Variants in GTF3C4 observed in about 807,000 individuals in gnomAD.
GTF3C4 encodes general transcription factor IIIC subunit 4.
A neutral mutation model predicts 67.5 loss-of-function variants in GTF3C4; 28 were observed. The ratio of observed to expected loss-of-function variants is 0.41; its 90% CI spans 0.31 to 0.57. The LOEUF is 0.57. Among genes scored for constraint, GTF3C4 ranks in the 20% least tolerant of loss-of-function variants. GTF3C4 has a pLI of 0.21. For missense variants in GTF3C4, 831 were observed against 1,033.2 expected, an observed-to-expected ratio of 0.80 and a Z score of 2.68; for synonymous variants, 409 against 393.0, an observed-to-expected ratio of 1.04 and a Z score of -0.48.
chr9:132,675,593 T>G (rs1835852225), intron 1 of GTF3C4, among the ~76,000 whole-genome samples: 1 of 152,204 alleles, frequency 6.6e-6, no homozygotes, highest in South Asian at 2.1e-4. Flanking sequence ...CAAAAAAGTT[T>G]GGCTTCCTGT....
chr9:132,685,600 G>GCCTCGGGCTCCAGTGATCCTCCTT (rs1477866122), intron 3 of GTF3C4, among the ~76,000 whole-genome samples: 5 of 150,994 alleles, frequency 3.3e-5, no homozygotes, highest in Non-Finnish European at 7.4e-5. Context: ...TGATCCTCCT[G>GCCTCGGGCTCCAGTGATCCTCCTT]CCTCAGCCTC....
At chr9:132,683,824 C>A in intron 3 of GTF3C4, 131 bp downstream of exon 3, 1 of 884,180 alleles carries the variant, frequency 1.1e-6, no homozygotes, top group East Asian at 2.7e-5. Context: ...AGAAAAGCTG[C>A]TATTATAAAG....
rs539359136 is a variant in GTF3C4 at position 132,671,559 on chromosome 9, C to T, written c.357+604C>T. On this transcript the variant is annotated intron_variant, in intron 1 of 4. Coordinates refer to ENST00000372146, the MANE Select transcript of GTF3C4 (RefSeq NM_012204.4). Reference sequence around the variant, plus strand: ...TAGTTTTTCTTTACTAGCTAAACATCTTTGGGATGTTGAATGAAAATAAAG... The same window carrying T: ...TAGTTTTTCTTTACTAGCTAAACATTTTTGGGATGTTGAATGAAAATAAAG... Among the ~76,000 whole-genome samples the T allele has an allele frequency of 1.1e-4, 16 of 152,264 alleles. No homozygotes were observed. In the South Asian group the frequency reaches 1.7e-3, roughly 16 times the overall value.
At chr9:132,676,681 C>T (rs1041045831) in intron 1 of GTF3C4, among the ~76,000 whole-genome samples, 6 of 152,118 alleles carry the variant, frequency 3.9e-5, no homozygotes, top group African/African-American at 1.4e-4. Context: ...CCCAGTTGTC[C>T]AGACTTCATC....
At chr9:132,680,351 A>C (rs950201780) in intron 2 of GTF3C4, among the ~76,000 whole-genome samples, 2 of 152,230 alleles carry the variant, frequency 1.3e-5, no homozygotes, top group Non-Finnish European at 2.9e-5. Context: ...TATAGAATTT[A>C]AGTTGCTTAA....
At chr9:132,670,066 G>A (rs768397453), upstream of GTF3C4, 8 of 1,562,526 alleles carry the variant, frequency 5.1e-6, no homozygotes, top group South Asian at 2.3e-5. Context: ...CAGCTGTACG[G>A]ACTCGTCCCG....
chr9:132,688,972 G>T lies in GTF3C4; in HGVS notation c.*27G>T. On this transcript the variant is annotated 3_prime_UTR_variant, in exon 5 of 5. Transcript: ENST00000372146. ...TAATCAGTGACGGGAAGATGGAAGG[G>T]CATGATGAACTCTGCCATAGAAAAC... is the stretch of plus-strand genomic sequence containing the variant. The T allele has an allele frequency of 1.3e-6, 2 of 1,547,656 alleles. No individual in the cohort carries two copies. The highest frequency in any genetic ancestry group is 1.8e-6 in the Non-Finnish European group (2 of 1,120,774).
chr9:132,686,683 G>T lies in GTF3C4; in HGVS notation c.2316-556G>T, dbSNP rs143998276. On this transcript the variant is annotated intron_variant, in intron 3 of 4. Coordinates refer to ENST00000372146, the MANE Select transcript of GTF3C4 (RefSeq NM_012204.4). ...TTTTTGCACCATTAATTTTGCCTTC[G>T]ATATTCTTCAGGGTTTTCCCCAGTG... Among the ~76,000 whole-genome samples, 604 of 152,190 alleles carry T rather than the reference G, an allele frequency of 4.0e-3. 5 individuals are homozygous for T. The highest frequency in any genetic ancestry group is 0.013 in the African/African-American group (554 of 41,520).
Position 132,678,709 on chromosome 9 carries a change from A to G in GTF3C4, c.1090A>G (p.Lys364Glu). The change falls in exon 2 of 5, where the codon AAA (lysine) becomes GAA (glutamate). Residue 364 changes from lysine to glutamate, a missense_variant. Physicochemically the swap from Lys to Glu is moderately conservative, Grantham distance 56. Around this residue, in one of 4 missense-constraint regions of GTF3C4, gnomAD observed 390 missense variants for 540.3 expected, o/e 0.72. Transcript: ENST00000372146. This position sits in a 1 kb window ranked among gnomAD's most constrained non-coding sequence, Gnocchi z 6.5. Reference protein sequence around the residue: ...FTLRQPVILWKEMDQLPVHSI... With the variant: ...FTLRQPVILWEEMDQLPVHSI... Reference sequence around the variant, plus strand: ...TTTAAGGCAGCCTGTTATCTTGTGGAAAGAAATGGACCAGTTACCTGTGCA... The same window carrying G: ...TTTAAGGCAGCCTGTTATCTTGTGGGAAGAAATGGACCAGTTACCTGTGCA... The G allele has an allele frequency of 6.2e-7, 1 of 1,614,160 alleles. No homozygotes were observed. The highest frequency in any genetic ancestry group is 8.5e-7 in the Non-Finnish European group (1 of 1,180,008).
chr9:132,687,346 T>TTGGGAGGG lies in GTF3C4; in HGVS notation c.2404+24_2404+31dup, dbSNP rs1256413333. The TTGGGAGGG allele has an allele frequency of 4.1e-6, 1 of 246,088 alleles. No homozygotes were observed. Among genetic ancestry groups the TTGGGAGGG allele is most frequent in the African/African-American group, 4.9e-5 (1 of 20,602 alleles). The allele number at this position is 246,088 out of a possible 1,614,324, so 15.2% of individuals were successfully genotyped here. A position where few individuals can be genotyped will look rare whatever the true frequency, so the allele number is the denominator to read the frequency against. The stretch of plus-strand genomic sequence containing the variant: ...CCAGAAGGTGAGTGCTTTCCCTTAC[T>TTGGGAGGG]TGGGAGGGTGGGTGGGTGGAACATG... On this transcript the variant is annotated intron_variant, in intron 4 of 4. Transcript: ENST00000372146.
In GTF3C4 at chr9:132,678,817, T is replaced by C. The variant is rs1441626006; in HGVS notation, c.1198T>C (p.Phe400Leu). 1 of 1,614,078 alleles carries C rather than the reference T, an allele frequency of 6.2e-7. No individual in the cohort carries two copies. Among genetic ancestry groups the C allele is most frequent in the African/African-American group, 1.3e-5 (1 of 74,912 alleles). The change falls in exon 2 of 5, where the codon TTT (phenylalanine) becomes CTT (leucine). Residue 400 changes from phenylalanine (F) to leucine (L), a missense_variant. Physicochemically the swap from Phe to Leu is conservative, Grantham distance 22. Around this residue, in one of 4 missense-constraint regions of GTF3C4, gnomAD observed 390 missense variants for 540.3 expected, o/e 0.72. Coordinates refer to ENST00000372146, the MANE Select transcript of GTF3C4 (RefSeq NM_012204.4). The surrounding 1 kb of genome is among the most constrained non-coding windows in gnomAD (Gnocchi z 6.5). ...LVVAARGSYV[F>L]WCLLLISKAG... ...AGTGGCTGCAAGAGGCTCTTATGTA[T>C]TTTGGTGTCTTCTTCTGATCTCCAA...
At chr9:132,674,274 G>A (rs542061307) in intron 1 of GTF3C4, among the ~76,000 whole-genome samples, 69 of 152,328 alleles carry the variant, frequency 4.5e-4, no homozygotes, top group Non-Finnish European at 7.6e-4. Context: ...GATTGGCTGC[G>A]GGCAGGCCTC....
At chr9:132,671,816 G>A (rs926543316) in intron 1 of GTF3C4, among the ~76,000 whole-genome samples, 1 of 152,136 alleles carries the variant, frequency 6.6e-6, no homozygotes, top group Non-Finnish European at 1.5e-5. Flanking sequence ...CAGAACCCCT[G>A]CCCTCATGAA....
At chr9:132,670,114 C>G (rs1432463426), upstream of GTF3C4, 2 of 1,578,234 alleles carry the variant, frequency 1.3e-6, no homozygotes, top group Non-Finnish European at 1.7e-6. Flanking sequence ...CGGGTAGGGA[C>G]AAGACTACCG....
At chr9:132,670,057 A>C (rs1590125913), upstream of GTF3C4, 1 of 1,565,426 alleles carries the variant, frequency 6.4e-7, no homozygotes. Flanking sequence ...GAACGGCTCC[A>C]GCTGTACGGA....
At chr9:132,683,149 A>G (rs1371452034) in intron 2 of GTF3C4, among the ~76,000 whole-genome samples, 3 of 152,216 alleles carry the variant, frequency 2.0e-5, no homozygotes, top group Non-Finnish European at 2.9e-5. Context: ...TATTTTGCCT[A>G]TAGAGATTAT....
chr9:132,683,488 CT>C, intron 2 of GTF3C4, 74 bp from the exon 3 acceptor site: 1 of 1,304,454 alleles, frequency 7.7e-7, no homozygotes, highest in South Asian at 1.4e-5. Flanking sequence ...TTAATTTTCC[CT>C]TTGTGTTTGT....
At chr9:132,670,451 CG>C (rs1213937923), upstream of GTF3C4, 3 of 943,282 alleles carry the variant, frequency 3.2e-6, no homozygotes, top group Non-Finnish European at 4.4e-6. Context: ...TGCCTGGCAA[CG>C]GCGGGGTCCT....
rs1835701670 is a variant in GTF3C4 at position 132,670,591 on chromosome 9, G to A, written c.-8G>A. On this transcript the variant is annotated 5_prime_UTR_variant, in exon 1 of 5. Coordinates refer to ENST00000372146, the MANE Select transcript of GTF3C4 (RefSeq NM_012204.4). ...GCCAGGGCGTCCGACCTCTGCACCT[G>A]AGAGAAGATGAACACGGCCGACCAG... 1 of 1,442,722 alleles carries A rather than the reference G, an allele frequency of 6.9e-7. No individual in the cohort carries two copies. Among genetic ancestry groups the A allele is most frequent in the Non-Finnish European group, 9.0e-7 (1 of 1,107,088 alleles). 89.4% of individuals were successfully genotyped at this position (1,442,722 alleles called of 1,614,324 possible). A position where few individuals can be genotyped will look rare whatever the true frequency, so the allele number is the denominator to read the frequency against.
Sources: gnomAD v4.1 joint callset for allele counts (sites outside exome capture counted in the v4.1 genomes callset) on GRCh38, gnomAD v4.1.1 for gene constraint, gnomAD v4.1.1 regional missense constraint, Gnocchi (gnomAD v3.1) non-coding constraint, MANE v1.5 for transcripts, NCBI Gene and HGNC (gene_info 2026-07-23, HGNC 2026-07-21) for gene names.